DOCK6: variants seen among roughly 807,000 people sequenced by gnomAD.
DOCK6 encodes the protein dedicator of cytokinesis 6.
Under a neutral mutation model 230.3 loss-of-function variants are expected in DOCK6, and 167 were observed. The observed-to-expected ratio is 0.73, with a 90% CI of 0.64 to 0.82. The LOEUF (loss-of-function observed/expected upper bound fraction) is 0.82. Among genes scored for constraint, DOCK6 ranks in the 40% least tolerant of loss-of-function variants. The pLI, the probability that DOCK6 is intolerant of heterozygous loss-of-function variation, is 0.00. For synonymous variants in DOCK6, 1,148 were observed against 1,185.0 expected (o/e 0.97, Z 0.64); for missense variants, 2,598 against 2,825.8 (o/e 0.92, Z 1.83).
chr19:11,260,944 A>G (rs2080278077), intron 1 of DOCK6, among the ~76,000 whole-genome samples: 1 of 151,988 alleles, frequency 6.6e-6, no homozygotes, highest in Non-Finnish European at 1.5e-5. Context: ...AGAAACAGAC[A>G]GCAATAATGT....
intron 24 of DOCK6, among the ~76,000 whole-genome samples, chr19:11,226,915 C>T (rs908392914): frequency 6.6e-5 from 10 of 152,084 alleles, no homozygotes; most frequent in East Asian, 5.8e-4. Context: ...GTCACTTCCC[C>T]GCTCCCACCA....
At position 11,226,916 on chromosome 19, in the gene DOCK6, G is replaced by A. The variant is rs188987101; in HGVS notation, c.2955+421C>T. Among the ~76,000 whole-genome samples the A allele has an allele frequency of 2.0e-4, 30 of 152,140 alleles. No individual in the cohort carries two copies. The East Asian group carries it at 3.7e-3, about 19-fold the overall frequency. The stretch of plus-strand genomic sequence containing the variant: ...AATGGATCTGCCTTGTCACTTCCCC[G>A]CTCCCACCAACCCTCATTTCCTTCC... On this transcript the variant is annotated intron_variant, in intron 24 of 47. Coordinates refer to ENST00000294618, the MANE Select transcript of DOCK6 (RefSeq NM_020812.4).
chr19:11,238,159 C>A (rs2079881393), intron 15 of DOCK6, 28 bp downstream of exon 15: 2 of 1,613,830 alleles, frequency 1.2e-6, no homozygotes, highest in Admixed American at 1.7e-5. Flanking sequence ...GATGCCCTAC[C>A]CCCCTTCCCT....
At chr19:11,259,556 CTT>C (rs756965986) in intron 1 of DOCK6, among the ~76,000 whole-genome samples, 37 of 103,668 alleles carry the variant, frequency 3.6e-4, no homozygotes, top group African/African-American at 8.0e-4. Context: ...TATTTCTTTT[CTT>C]TTTTTTTTTT....
chr19:11,200,159 A>T lies in DOCK6; in HGVS notation c.6101+149T>A. Reference sequence around the variant, plus strand: ...GAGGGAGAGTCTCTCAAAAAAAAAAACAAAAAAAAAACCGGAAACAAAACA... The same window carrying T: ...GAGGGAGAGTCTCTCAAAAAAAAAATCAAAAAAAAAACCGGAAACAAAACA... On this transcript the variant is annotated intron_variant, in intron 47 of 47. Transcript: ENST00000294618. This position sits in a 1 kb window ranked among gnomAD's most constrained non-coding sequence, Gnocchi z 4.3. The T allele has an allele frequency of 1.5e-6, 1 of 673,522 alleles. No homozygotes were observed. The highest frequency in any genetic ancestry group is 2.0e-5 in the African/African-American group (1 of 49,316). The allele number at this position is 673,522 out of a possible 1,614,324, so 41.7% of individuals were successfully genotyped here.
intron 21 of DOCK6, among the ~76,000 whole-genome samples, chr19:11,234,840 A>T (rs1313717385): frequency 6.6e-6 from 1 of 152,214 alleles, no homozygotes; most frequent in South Asian, 2.1e-4. Context: ...GCAAAACATT[A>T]TCTCTCTTGC....
At chr19:11,238,158 C>A (rs956606430) in intron 15 of DOCK6, 29 bp downstream of exon 15, 20 of 1,613,394 alleles carry the variant, frequency 1.2e-5, no homozygotes, top group African/African-American at 2.7e-5. Context: ...GGATGCCCTA[C>A]CCCCCTTCCC....
chr19:11,254,942 C>T (rs1315222504), intron 1 of DOCK6, among the ~76,000 whole-genome samples: 1 of 152,156 alleles, frequency 6.6e-6, no homozygotes, highest in African/African-American at 2.4e-5. Flanking sequence ...CCTGGGGTCT[C>T]TGTGAAGGCA....
chr19:11,222,403 G>A lies in DOCK6; in HGVS notation c.3241-155C>T. The A allele has an allele frequency of 9.1e-7, 1 of 1,102,988 alleles. No homozygotes were observed. The highest frequency in any genetic ancestry group is 2.6e-5 in the East Asian group (1 of 38,428). The allele number at this position is 1,102,988 out of a possible 1,614,324, so 68.3% of individuals were successfully genotyped here. ...TCATCTGGAGGTGACAGTGGGCATGGGTTTCAAGGCCAGAAGTGAGGGGCT... is the reference window on the plus strand; with the variant it reads ...TCATCTGGAGGTGACAGTGGGCATGAGTTTCAAGGCCAGAAGTGAGGGGCT... On this transcript the variant is annotated intron_variant, in intron 26 of 47. Coordinates refer to ENST00000294618, the MANE Select transcript of DOCK6 (RefSeq NM_020812.4). This position sits in a 1 kb window ranked among gnomAD's most constrained non-coding sequence, Gnocchi z 4.0.
At chr19:11,251,244 T>G (rs992939638) in intron 5 of DOCK6, 158 bp from the exon 6 acceptor site, 1 of 701,226 alleles carries the variant, frequency 1.4e-6, no homozygotes, top group Admixed American at 2.8e-5. Flanking sequence ...TTGCCTACCC[T>G]CTTTCCAGAA....
chr19:11,228,009 C>CTATTTTT (rs1189565209), intron 23 of DOCK6, among the ~76,000 whole-genome samples: 1 of 150,302 alleles, frequency 6.7e-6, no homozygotes, highest in African/African-American at 2.4e-5. Context: ...AAAGCTTTCC[C>CTATTTTT]TCTTTTTTTT....
At chr19:11,253,323 TC>T (rs35523937) in intron 2 of DOCK6, among the ~76,000 whole-genome samples, 2 of 151,722 alleles carry the variant, frequency 1.3e-5, no homozygotes, top group East Asian at 3.9e-4. Context: ...CGAAAGTCAC[TC>T]CCCTCCCCAA....
chr19:11,243,184 CA>C lies in DOCK6; in HGVS notation c.1387-33del, dbSNP rs2079974114. On this transcript the variant is annotated intron_variant, in intron 12 of 47. Transcript: ENST00000294618. The surrounding 1 kb of genome is among the most constrained non-coding windows in gnomAD (Gnocchi z 6.3). ...GGGACCCACTCCCGTCAGCCTGGGC[CA>C]GGGGGCTAGGGGTCCCCAGGGCTAA... 1 of 1,613,000 alleles carries C rather than the reference CA, an allele frequency of 6.2e-7. No individual in the cohort carries two copies. The highest frequency in any genetic ancestry group is 8.5e-7 in the Non-Finnish European group (1 of 1,179,068).
At chr19:11,245,988 A>AC (rs2080027032) in intron 7 of DOCK6, 110 bp from the exon 8 acceptor site, 1 of 1,223,282 alleles carries the variant, frequency 8.2e-7, no homozygotes, top group Admixed American at 2.4e-5. Flanking sequence ...ACTGGGCCAC[A>AC]TGGAACCGCC....
intron 29 of DOCK6, 23 bp downstream of exon 29, chr19:11,217,208 T>C: frequency 1.2e-6 from 2 of 1,608,774 alleles, no homozygotes; most frequent in Non-Finnish European, 1.7e-6. Context: ...ATGATGTCTA[T>C]GGGGACAAGC....
chr19:11,235,877 ATTTT>A (rs56665433), intron 20 of DOCK6, 118 bp from the exon 21 acceptor site: 1,367 of 882,406 alleles, frequency 1.5e-3, no homozygotes, highest in South Asian at 2.3e-3. Flanking sequence ...GGGGTCACAA[ATTTT>A]TTTTTTTTTT....
In DOCK6 at chr19:11,236,496, GCA is replaced by G. The variant is rs772962088; in HGVS notation, c.2240_2241del (p.Val747AlafsTer59). The G allele has an allele frequency of 4.4e-6, 7 of 1,603,496 alleles. No homozygotes were observed. The highest frequency in any genetic ancestry group is 2.6e-6 in the Non-Finnish European group (3 of 1,175,550). ...TCCTGCTCCACGTTGCCCTCGCTCA[GCA>G]CAGTGTCCTTGAGCCGGAATGGGAA... Reference protein sequence around the residue: ...GAFPFRLKDTVLSEGNVEQEL... With the variant: ...GAFPFRLKDTXLSEGNVEQEL... On this transcript the variant is annotated frameshift_variant, in exon 20 of 48. Transcript: ENST00000294618. LOFTEE classifies it high-confidence loss of function. This position sits in a 1 kb window ranked among gnomAD's most constrained non-coding sequence, Gnocchi z 5.2.
chr19:11,207,895 A>G (rs765399678), intron 39 of DOCK6, among the ~76,000 whole-genome samples: 27 of 151,994 alleles, frequency 1.8e-4, no homozygotes, highest in Non-Finnish European at 3.2e-4. Flanking sequence ...ACGCCACCGC[A>G]CTCCAGCCTA....
chr19:11,212,172 G>C (rs752523148), intron 35 of DOCK6, 21 bp from the exon 36 acceptor site: 696 of 1,597,448 alleles, frequency 4.4e-4, no homozygotes, highest in Non-Finnish European at 5.7e-4. Flanking sequence ...AGGGGCGGGA[G>C]GGTGGAGCCG....
Sources: gnomAD v4.1 joint callset for allele counts (sites outside exome capture counted in the v4.1 genomes callset) on GRCh38, gnomAD v4.1.1 for gene constraint, Gnocchi (gnomAD v3.1) non-coding constraint, MANE v1.5 for transcripts, NCBI Gene and HGNC (gene_info 2026-07-23, HGNC 2026-07-21) for gene names.